The following RUFY3 variants were observed in gnomAD, a reference collection of about 807,000 sequenced individuals.
RUFY3 encodes protein RUFY3.
A neutral mutation model predicts 84.0 loss-of-function variants in RUFY3; 34 were observed. The ratio of observed to expected loss-of-function variants is 0.40; its 90% CI spans 0.31 to 0.54. The LOEUF (loss-of-function observed/expected upper bound fraction) is 0.54, where lower values mean the gene tolerates loss of function less well. Among genes scored for constraint, RUFY3 ranks in the 20% least tolerant of loss-of-function variants. The pLI is 0.39. For missense variants in RUFY3, 507 were observed against 736.8 expected, an observed-to-expected ratio of 0.69 and a Z score of 3.61; for synonymous variants, 242 against 252.9, an observed-to-expected ratio of 0.96 and a Z score of 0.41.
chr4:70,705,700 G>T (rs941018732), intron 1 of RUFY3, among the ~76,000 whole-genome samples: 34 of 152,170 alleles, frequency 2.2e-4, no homozygotes, highest in African/African-American at 7.7e-4. Context: ...AGGAGTCTAA[G>T]AGGGGGCGGC....
In RUFY3 at chr4:70,773,157, G is replaced by A. The variant is rs574327765; in HGVS notation, c.697-354G>A. ...CTGTATTTTCTGAAACTTCTACAGG[G>A]GAAATGTGCTAATTTTTAAAAAGTT... On this transcript the variant is annotated intron_variant, in intron 5 of 17. Transcript: ENST00000381006. Among the ~76,000 whole-genome samples the A allele has an allele frequency of 7.2e-5, 11 of 152,084 alleles. No homozygotes were observed. In the East Asian group the frequency reaches 2.1e-3, roughly 29 times the overall value.
intron 13 of RUFY3, 34 bp from the exon 14 acceptor site, chr4:70,794,761 A>G (rs1009812076): frequency 6.9e-7 from 1 of 1,440,368 alleles, no homozygotes; most frequent in Non-Finnish European, 9.8e-7. Flanking sequence ...TAGAATTCCA[A>G]TTTTTCATCC....
At chr4:70,767,988 T>TA (rs2148721319) in intron 4 of RUFY3, among the ~76,000 whole-genome samples, 1 of 152,206 alleles carries the variant, frequency 6.6e-6, no homozygotes, top group East Asian at 1.9e-4. Flanking sequence ...CAATAATTTT[T>TA]ATCCATTCAG....
chr4:70,764,212 C>A (rs1013579606), intron 3 of RUFY3, among the ~76,000 whole-genome samples: 3 of 152,218 alleles, frequency 2.0e-5, no homozygotes, highest in Admixed American at 1.3e-4. Flanking sequence ...TCTGATGGAA[C>A]ATTTTTAGTT....
intron 1 of RUFY3, among the ~76,000 whole-genome samples, chr4:70,709,945 A>T (rs930029635): frequency 6.6e-5 from 10 of 152,246 alleles, no homozygotes; most frequent in African/African-American, 2.4e-4. Flanking sequence ...GAGGAAGGCT[A>T]GAAGAGGAAT....
At chr4:70,728,375 C>G (rs1296283733) in intron 1 of RUFY3, among the ~76,000 whole-genome samples, 1 of 152,190 alleles carries the variant, frequency 6.6e-6, no homozygotes, top group East Asian at 1.9e-4. Context: ...GAGAGGATCA[C>G]CTGGCGTATT....
At chr4:70,792,458 A>G (rs1163115617) in intron 12 of RUFY3, 9 of 985,176 alleles carry the variant, frequency 9.1e-6, no homozygotes, top group Non-Finnish European at 1.1e-5. Flanking sequence ...GTGACCACAG[A>G]CTAACCCTTT....
At chr4:70,744,358 T>TTATGTATG (rs113177648) in intron 1 of RUFY3, among the ~76,000 whole-genome samples, 10,509 of 150,666 alleles carry the variant, frequency 0.07, 834 homozygotes, top group East Asian at 0.2. Flanking sequence ...TGGCTAATTT[T>TTATGTATG]TATGTATGTA....
chr4:70,800,923 A>G (rs1732147552), intron 15 of RUFY3, among the ~76,000 whole-genome samples: 1 of 152,142 alleles, frequency 6.6e-6, no homozygotes, highest in African/African-American at 2.4e-5. Flanking sequence ...GATTTCTCTT[A>G]TGTCTCATCT....
intron 2 of RUFY3, among the ~76,000 whole-genome samples, chr4:70,763,077 A>G (rs1250952860): frequency 6.6e-6 from 1 of 152,118 alleles, no homozygotes; most frequent in Non-Finnish European, 1.5e-5. Flanking sequence ...CCACTTAACT[A>G]TAAGCTTTTG....
At chr4:70,804,782 A>G (rs1423499313) in intron 17 of RUFY3, among the ~76,000 whole-genome samples, 1 of 144,328 alleles carries the variant, frequency 6.9e-6, no homozygotes, top group Non-Finnish European at 1.5e-5. Context: ...AAAAAAAAAA[A>G]TAGCCGGGCG....
intron 4 of RUFY3, among the ~76,000 whole-genome samples, chr4:70,767,569 A>G (rs1312328890): frequency 1.3e-5 from 2 of 152,112 alleles, no homozygotes; most frequent in Non-Finnish European, 2.9e-5. Flanking sequence ...CAGTTGGGTA[A>G]ATACCAAGGA....
At chr4:70,740,587 G>C (rs1721176349) in intron 1 of RUFY3, among the ~76,000 whole-genome samples, 1 of 152,120 alleles carries the variant, frequency 6.6e-6, no homozygotes, top group African/African-American at 2.4e-5. Flanking sequence ...ACTTTTGCAA[G>C]GTCACAGCAA....
intron 7 of RUFY3, among the ~76,000 whole-genome samples, chr4:70,777,167 A>G (rs1472587251): frequency 6.6e-6 from 1 of 152,242 alleles, no homozygotes; most frequent in Non-Finnish European, 1.5e-5. Flanking sequence ...GAGGGAGAAC[A>G]GTATCTTATT....
intron 1 of RUFY3, among the ~76,000 whole-genome samples, chr4:70,744,140 G>A (rs1180933259): frequency 6.6e-6 from 1 of 152,006 alleles, no homozygotes; most frequent in Non-Finnish European, 1.5e-5. Flanking sequence ...TTTCAATGCT[G>A]TTTCTCATCT....
chr4:70,773,605 C>T, intron 6 of RUFY3, 33 bp downstream of exon 6: 1 of 1,473,644 alleles, frequency 6.8e-7, no homozygotes, highest in Non-Finnish European at 9.5e-7. Context: ...TTCTTTTCTC[C>T]TGATGTAGCA....
At chr4:70,798,895 A>T (rs1188397182) in intron 14 of RUFY3, among the ~76,000 whole-genome samples, 1 of 152,146 alleles carries the variant, frequency 6.6e-6, no homozygotes, top group African/African-American at 2.4e-5. Context: ...TTACGCCTGT[A>T]ATCCCAGCAC....
chr4:70,712,364 A>G lies in RUFY3; in HGVS notation c.358+7070A>G, dbSNP rs148064100. ...CCTCAATAGTCAGCCTTCAAAGCGC[A>G]TGTTCTTAATCACTGTACGTTCCCT... On this transcript the variant is annotated intron_variant, in intron 1 of 11. Coordinates refer to the RUFY3 transcript ENST00000417478. Among the ~76,000 whole-genome samples the G allele has an allele frequency of 3.1e-3, 472 of 152,326 alleles. 2 individuals are homozygous for G. Among genetic ancestry groups the G allele is most frequent in the Non-Finnish European group, 5.8e-3 (396 of 68,036 alleles).
intron 6 of RUFY3, among the ~76,000 whole-genome samples, chr4:70,774,895 T>G (rs912282361): frequency 2.6e-5 from 4 of 151,840 alleles, no homozygotes; most frequent in Non-Finnish European, 5.9e-5. Flanking sequence ...TCTAATAGAT[T>G]GCAACATCAT....
Sources: gnomAD v4.1 joint callset for allele counts (sites outside exome capture counted in the v4.1 genomes callset) on GRCh38, gnomAD v4.1.1 for gene constraint, MANE v1.5 for transcripts, NCBI Gene and HGNC (gene_info 2026-07-23, HGNC 2026-07-21) for gene names.